SPATA31C1: variants seen among roughly 807,000 people sequenced by gnomAD.
The protein encoded by SPATA31C1 is SPATA31 subfamily C member 1.
In SPATA31C1 at chr9:87,923,291, G is replaced by C. The variant is rs567689105; in HGVS notation, n.3681G>C. On this transcript the variant is annotated non_coding_transcript_exon_variant, in exon 5 of 5. Transcript: ENST00000420021. ...GTCAACAAGCCACTCTCAAGAACCA[G>C]AGTCGTCCCAACAGAGACAGACAAA... 370 of 1,603,788 alleles carry C rather than the reference G, an allele frequency of 2.3e-4. 4 individuals carry two copies. The Admixed American group carries it at 5.0e-3, about 22-fold the overall frequency.
exon 5 of SPATA31C1, chr9:87,921,021 C>T: frequency 6.2e-7 from 1 of 1,612,204 alleles, no homozygotes; most frequent in Non-Finnish European, 8.5e-7. Flanking sequence ...AGTCCTATCT[C>T]CTGCTTTTCT....
intron 3 of SPATA31C1, 150 bp downstream of exon 2, chr9:87,919,498 G>A (rs368948416): frequency 0.023 from 28,796 of 1,273,240 alleles, 397 homozygotes; most frequent in Middle Eastern, 0.029. Context: ...CTGTGCCGCC[G>A]GAATGAAGCC....
chr9:87,920,671 T>C (rs757923408), exon 5 of SPATA31C1: 5 of 1,613,912 alleles, frequency 3.1e-6, no homozygotes, highest in Non-Finnish European at 3.4e-6. Context: ...TGTGACTCAG[T>C]GGCACTTCCA....
intron 1 of SPATA31C1, among the ~76,000 whole-genome samples, chr9:87,916,774 G>T (rs1828732672): frequency 2.1e-5 from 2 of 93,836 alleles, no homozygotes; most frequent in East Asian, 2.6e-4. Flanking sequence ...AAGGCGGGCG[G>T]ATCACAAGGT....
Position 87,915,591 on chromosome 9 carries a change from G to A in SPATA31C1, n.189+881G>A, listed in dbSNP as rs183868764. Among the ~76,000 whole-genome samples, 619 of 145,226 alleles carry A rather than the reference G, an allele frequency of 4.3e-3. 10 individuals are homozygous for A. The highest frequency in any genetic ancestry group is 0.014 in the African/African-American group (545 of 39,722). Reference sequence around the variant, plus strand: ...GCTGGGATTACAGGCATGAGCCACCGCGCCCGGCTGATCCTTTTTTTTTTA... The same window carrying A: ...GCTGGGATTACAGGCATGAGCCACCACGCCCGGCTGATCCTTTTTTTTTTA... On this transcript the variant is annotated intron_variant and non_coding_transcript_variant, in intron 1 of 4. Transcript: ENST00000420021.
chr9:87,923,088 C>G, exon 5 of SPATA31C1: 1 of 1,602,344 alleles, frequency 6.2e-7, no homozygotes, highest in Non-Finnish European at 8.5e-7. Flanking sequence ...AGCTGAGAGG[C>G]TCATGACAGC....
intron 3 of SPATA31C1, 91 bp downstream of exon 2, chr9:87,919,439 G>A: frequency 1.3e-6 from 2 of 1,547,714 alleles, no homozygotes; most frequent in Non-Finnish European, 1.7e-6. Flanking sequence ...AAAAACCTGA[G>A]GTGGGGGCTC....
intron 1 of SPATA31C1, among the ~76,000 whole-genome samples, chr9:87,916,251 CA>C (rs756907084): frequency 0.064 from 4,931 of 77,552 alleles, 437 homozygotes; most frequent in African/African-American, 0.19. Flanking sequence ...GACTCCATCT[CA>C]AAAAAAAAAA....
exon 5 of SPATA31C1, chr9:87,921,470 A>T (rs1338842166): frequency 6.2e-7 from 1 of 1,611,838 alleles, no homozygotes; most frequent in Non-Finnish European, 8.5e-7. Context: ...ACCCATGCCC[A>T]CATCTGGGGC....
chr9:87,922,929 C>T, exon 5 of SPATA31C1: 1 of 1,601,744 alleles, frequency 6.2e-7, no homozygotes, highest in Non-Finnish European at 8.5e-7. Flanking sequence ...ATCAAAGAAA[C>T]AGCCTCCTTC....
intron 1 of SPATA31C1, among the ~76,000 whole-genome samples, chr9:87,916,492 T>C (rs1355150177): frequency 1.3e-5 from 2 of 149,576 alleles, no homozygotes; most frequent in African/African-American, 2.4e-5. Context: ...TGATAAACCA[T>C]ATCTGACAAG....
rs1252751367 is a variant in SPATA31C1, at chr9:87,921,018, T to C, written n.1408T>C. 4 of 1,612,192 alleles carry C rather than the reference T, an allele frequency of 2.5e-6. No homozygotes were observed. The East Asian group carries it at 8.9e-5, about 36-fold the overall frequency. On this transcript the variant is annotated non_coding_transcript_exon_variant, in exon 5 of 5. Transcript: ENST00000420021. ...TCTTCAATCCTCTTTCCCAGTCCTA[T>C]CTCCTGCTTTTCTATCCCCGATGAA... is the stretch of plus-strand genomic sequence containing the variant.
chr9:87,915,635 A>G lies in SPATA31C1; in HGVS notation n.189+925A>G, dbSNP rs555689991. Among the ~76,000 whole-genome samples, 13 of 144,108 alleles carry G rather than the reference A, an allele frequency of 9.0e-5. 1 individual carries two copies. In the South Asian group the frequency reaches 3.0e-3, roughly 34 times the overall value. The allele number at this position is 144,108 out of a possible 152,430, so 94.5% of individuals were successfully genotyped here. On this transcript the variant is annotated intron_variant and non_coding_transcript_variant, in intron 1 of 4. Coordinates refer to ENST00000420021, the Ensembl canonical transcript of SPATA31C1. ...TTTTTTAATAAAGACATGAGGTTAG[A>G]TTGAGGTTATTGTTTTGTCTATGGT...
At chr9:87,916,073 GA>G (rs1376672957) in intron 1 of SPATA31C1, among the ~76,000 whole-genome samples, 1 of 143,388 alleles carries the variant, frequency 7.0e-6, no homozygotes, top group African/African-American at 2.5e-5. Flanking sequence ...GAGCAGGGTG[GA>G]GGGGTGGTAG....
In SPATA31C1 at chr9:87,922,030, A is replaced by C. The variant is rs1277412936; in HGVS notation, n.2420A>C. On this transcript the variant is annotated non_coding_transcript_exon_variant, in exon 5 of 5. Transcript: ENST00000420021. The stretch of plus-strand genomic sequence containing the variant: ...GAATCTGGGGCTGGCTCAAAAGTTG[A>C]GGTGGCCACGCTCCTTGGAGAGCCA... The C allele has an allele frequency of 3.7e-6, 6 of 1,613,804 alleles. No individual in the cohort carries two copies. The African/African-American group carries it at 6.7e-5, about 18-fold the overall frequency.
exon 5 of SPATA31C1, chr9:87,922,034 G>C (rs747519886): frequency 6.2e-7 from 1 of 1,613,806 alleles, no homozygotes; most frequent in African/African-American, 1.3e-5. Flanking sequence ...AAGTTGAGGT[G>C]GCCACGCTCC....
At chr9:87,923,641 A>G, downstream of SPATA31C1, 1 of 637,258 alleles carries the variant, frequency 1.6e-6, no homozygotes, top group East Asian at 3.1e-5. Flanking sequence ...TCCACAATAT[A>G]TACGGTTTTT....
At position 87,922,041 on chromosome 9, in the gene SPATA31C1, C is replaced by T. The variant is rs146123449; in HGVS notation, n.2431C>T. ...TGGCTCAAAAGTTGAGGTGGCCACG[C>T]TCCTTGGAGAGCCACCAATGGCAAG... On this transcript the variant is annotated non_coding_transcript_exon_variant, in exon 5 of 5. Coordinates refer to ENST00000420021, the Ensembl canonical transcript of SPATA31C1. 4,765 of 1,612,018 alleles carry T rather than the reference C, an allele frequency of 3.0e-3. 25 individuals are homozygous for T. The highest frequency in any genetic ancestry group is 3.5e-3 in the Non-Finnish European group (4,166 of 1,178,516).
exon 5 of SPATA31C1, chr9:87,922,797 A>C: frequency 6.2e-7 from 1 of 1,606,120 alleles, no homozygotes; most frequent in South Asian, 1.1e-5. Context: ...CAAGAGGGAG[A>C]ACTCTAGGAA....
Sources: allele counts gnomAD v4.1 joint callset (sites outside exome capture counted in the v4.1 genomes callset), GRCh38; gene constraint gnomAD v4.1.1; transcripts MANE v1.5; gene names NCBI Gene and HGNC (gene_info 2026-07-23, HGNC 2026-07-21).